SCFD2: variants seen among roughly 807,000 people sequenced by gnomAD.
SCFD2 encodes sec1 family domain containing 2, also known as sec1 family domain-containing protein 2.
Under a neutral mutation model 58.9 loss-of-function variants are expected in SCFD2, and 54 were observed. The ratio of observed to expected loss-of-function variants is 0.92; its 90% CI spans 0.74 to 1.15. The LOEUF (loss-of-function observed/expected upper bound fraction) is 1.15, where lower values mean the gene tolerates loss of function less well. Ranked by LOEUF, SCFD2 falls within the 50% of genes most tolerant of loss-of-function variation. The probability of loss-of-function intolerance (pLI) is 0.00; values close to 1 mark genes in which losing one functional copy is unlikely to be tolerated. For synonymous variants in SCFD2, 321 were observed against 335.9 expected (o/e 0.96, Z 0.49); for missense variants, 805 against 836.6 (o/e 0.96, Z 0.47).
At chr4:53,292,400 C>T (rs1426938000) in intron 3 of SCFD2, among the ~76,000 whole-genome samples, 1 of 152,054 alleles carries the variant, frequency 6.6e-6, no homozygotes, top group African/African-American at 2.4e-5. Flanking sequence ...AACACATGAA[C>T]AGACATTTCT....
At chr4:53,121,505 T>G (rs1725476792) in intron 5 of SCFD2, among the ~76,000 whole-genome samples, 1 of 152,210 alleles carries the variant, frequency 6.6e-6, no homozygotes, top group Non-Finnish European at 1.5e-5. Context: ...GCTTGCTGGT[T>G]ATGAGCCTGC....
In SCFD2 at chr4:53,179,408, T is replaced by C. The variant is rs114764175; in HGVS notation, c.1312-33826A>G. 2.5e-3 allele frequency among the ~76,000 whole-genome samples: 381 copies of C among 152,252 alleles called. 2 individuals carry two copies. The highest frequency in any genetic ancestry group is 8.8e-3 in the African/African-American group (364 of 41,534). On this transcript the variant is annotated intron_variant, in intron 4 of 8. Coordinates refer to ENST00000401642, the MANE Select transcript of SCFD2 (RefSeq NM_152540.4). The stretch of plus-strand genomic sequence containing the variant: ...TCATATCCAGCCAAACTAACCTTCA[T>C]TAAGTGAAGGAGAAATAAAACACTT...
chr4:52,989,767 C>G (rs1721577465), intron 5 of SCFD2, among the ~76,000 whole-genome samples: 1 of 152,080 alleles, frequency 6.6e-6, no homozygotes, highest in African/African-American at 2.4e-5. Context: ...AAAATTCTGC[C>G]TTTTCTGTTG....
intron 4 of SCFD2, among the ~76,000 whole-genome samples, chr4:53,175,557 T>C (rs1257510123): frequency 6.6e-6 from 1 of 152,242 alleles, no homozygotes; most frequent in Non-Finnish European, 1.5e-5. Context: ...AATATTACCA[T>C]GAATCAGATT....
At chr4:52,968,364 C>T (rs946881226) in intron 5 of SCFD2, among the ~76,000 whole-genome samples, 3 of 152,338 alleles carry the variant, frequency 2.0e-5, no homozygotes, top group South Asian at 2.1e-4. Flanking sequence ...CTTAAAATGA[C>T]ACCTTGAGTT....
intron 5 of SCFD2, among the ~76,000 whole-genome samples, chr4:52,940,449 CAAGT>C (rs1168151785): frequency 6.6e-6 from 1 of 152,152 alleles, no homozygotes; most frequent in Non-Finnish European, 1.5e-5. Flanking sequence ...ACTAGAGAGA[CAAGT>C]AAGTCCCACA....
intron 3 of SCFD2, among the ~76,000 whole-genome samples, chr4:53,284,822 CTA>C (rs1181000281): frequency 6.6e-6 from 1 of 152,110 alleles, no homozygotes; most frequent in Non-Finnish European, 1.5e-5. Context: ...ATTTGGAGGA[CTA>C]TATATACAGC....
intron 3 of SCFD2, among the ~76,000 whole-genome samples, chr4:53,298,130 G>C (rs891003141): frequency 2.0e-5 from 3 of 152,150 alleles, no homozygotes; most frequent in African/African-American, 7.2e-5. Context: ...CCATGCGTGA[G>C]CCGAAGCAGG....
At chr4:53,294,797 A>G (rs1432185224) in intron 3 of SCFD2, among the ~76,000 whole-genome samples, 2 of 151,930 alleles carry the variant, frequency 1.3e-5, no homozygotes, top group Non-Finnish European at 1.5e-5. Flanking sequence ...TCTTTAATCC[A>G]TCTTGAGTTG....
intron 4 of SCFD2, among the ~76,000 whole-genome samples, chr4:53,186,924 C>G (rs758183248): frequency 6.6e-6 from 1 of 151,964 alleles, no homozygotes; most frequent in Admixed American, 6.6e-5. Flanking sequence ...CTATCAGGCT[C>G]TCAACACAAC....
chr4:53,302,192 T>C (rs1236598523), intron 3 of SCFD2, among the ~76,000 whole-genome samples: 2 of 152,188 alleles, frequency 1.3e-5, no homozygotes, highest in African/African-American at 4.8e-5. Context: ...TGATTGTATA[T>C]CTAGAAAACC....
intron 3 of SCFD2, among the ~76,000 whole-genome samples, chr4:53,304,123 A>G (rs1430744205): frequency 1.3e-5 from 2 of 151,434 alleles, no homozygotes; most frequent in Non-Finnish European, 2.9e-5. Flanking sequence ...AGAAAAGAAA[A>G]TTCTTTTCTT....
intron 5 of SCFD2, among the ~76,000 whole-genome samples, chr4:53,000,921 G>A (rs1330229596): frequency 2.6e-5 from 4 of 152,154 alleles, no homozygotes; most frequent in Non-Finnish European, 5.9e-5. Context: ...TCCATGACCC[G>A]GGGGTTTGGG....
intron 4 of SCFD2, among the ~76,000 whole-genome samples, chr4:53,196,156 T>C (rs1178914499): frequency 2.6e-5 from 4 of 152,196 alleles, no homozygotes; most frequent in Non-Finnish European, 5.9e-5. Flanking sequence ...AATGATCATT[T>C]TCTCCTTTGG....
At chr4:53,202,585 G>A (rs1448729773) in intron 4 of SCFD2, among the ~76,000 whole-genome samples, 2 of 152,062 alleles carry the variant, frequency 1.3e-5, no homozygotes, top group Non-Finnish European at 2.9e-5. Flanking sequence ...AGCTAGATGG[G>A]GATGGCATTG....
At chr4:53,048,448 T>C (rs1723099198) in intron 5 of SCFD2, among the ~76,000 whole-genome samples, 1 of 151,626 alleles carries the variant, frequency 6.6e-6, no homozygotes, top group Non-Finnish European at 1.5e-5. Flanking sequence ...CCTGAAAAAA[T>C]GAAGATACTA....
At chr4:53,292,798 A>T (rs1731885607) in intron 3 of SCFD2, among the ~76,000 whole-genome samples, 1 of 152,150 alleles carries the variant, frequency 6.6e-6, no homozygotes, top group African/African-American at 2.4e-5. Flanking sequence ...CATGGAATCA[A>T]CCAAATGTCC....
chr4:53,361,782 T>A (rs1734555465), intron 1 of SCFD2, among the ~76,000 whole-genome samples: 1 of 152,230 alleles, frequency 6.6e-6, no homozygotes, highest in South Asian at 2.1e-4. Context: ...AGCTGCCAAA[T>A]CTTAGACTAT....
rs541343173 is a variant in SCFD2 at position 53,365,110 on chromosome 4, G to A, written c.832C>T (p.Leu278Phe). The A allele has an allele frequency of 1.9e-6, 3 of 1,613,770 alleles. No homozygotes were observed. The highest frequency in any genetic ancestry group is 2.7e-5 in the African/African-American group (2 of 75,046). The change falls in exon 1 of 9, where the codon CTC (leucine) becomes TTC (phenylalanine). Residue 278 changes from leucine to phenylalanine, a missense_variant. Transcript: ENST00000401642. The surrounding 1 kb of genome is among the most constrained non-coding windows in gnomAD (Gnocchi z 4.3). Reference protein sequence around the residue: ...SVVFVDRTLDLTGAVGHHGDN... With the variant: ...SVVFVDRTLDFTGAVGHHGDN... ...TCCAGAGCAATGCACTTACCTGTGA[G>A]ATCCAGGGTTCTGTCCACAAAAACC...
Sources: gnomAD v4.1 joint callset for allele counts (sites outside exome capture counted in the v4.1 genomes callset) on GRCh38, gnomAD v4.1.1 for gene constraint, Gnocchi (gnomAD v3.1) non-coding constraint, MANE v1.5 for transcripts, NCBI Gene and HGNC (gene_info 2026-07-23, HGNC 2026-07-21) for gene names.